The following TRERF1 variants were observed in gnomAD, a reference collection of about 807,000 sequenced individuals.
The protein encoded by TRERF1 is transcriptional-regulating factor 1.
TRERF1 carries 27 observed loss-of-function variants against 122.9 expected under a neutral mutation model. That is an observed-to-expected ratio of 0.22 (90% CI 0.16 to 0.30). The LOEUF (loss-of-function observed/expected upper bound fraction) is 0.30. TRERF1 is among the 10% of genes least tolerant of loss of function. TRERF1 has a pLI of 1.00. For synonymous variants in TRERF1, 636 were observed against 641.7 expected (o/e 0.99, Z 0.13); for missense variants, 1,248 against 1,560.3 (o/e 0.80, Z 3.37).
chr6:42,374,658 T>C (rs560502587), intron 2 of TRERF1, among the ~76,000 whole-genome samples: 1 of 152,264 alleles, frequency 6.6e-6, no homozygotes, highest in South Asian at 2.1e-4. Flanking sequence ...AGCCCGGTCC[T>C]ACCCTCACCC....
At chr6:42,353,682 G>A (rs186631723) in intron 3 of TRERF1, among the ~76,000 whole-genome samples, 1 of 152,132 alleles carries the variant, frequency 6.6e-6, no homozygotes, top group Non-Finnish European at 1.5e-5. Flanking sequence ...GTGTGTTTGT[G>A]TATTCATGTA....
Position 42,293,029 on chromosome 6 carries a change from G to C in TRERF1, c.-259+7609C>G, listed in dbSNP as rs556866580. ...TGACATCCCCCTTTAAGGAACTGGG[G>C]ACACACTGCCTGGAAGGGCTGTCCC... On this transcript the variant is annotated intron_variant, in intron 4 of 17. Transcript: ENST00000372922. 3.5e-4 allele frequency among the ~76,000 whole-genome samples: 54 copies of C among 152,186 alleles called. 1 individual carries two copies. Among genetic ancestry groups the C allele is most frequent in the Non-Finnish European group, 6.2e-4 (42 of 68,028 alleles).
At chr6:42,391,730 G>A (rs1158825280) in intron 2 of TRERF1, among the ~76,000 whole-genome samples, 2 of 151,974 alleles carry the variant, frequency 1.3e-5, no homozygotes, top group Admixed American at 6.6e-5. Context: ...CAGCCTTCCC[G>A]CCTACTCTAC....
intron 2 of TRERF1, among the ~76,000 whole-genome samples, chr6:42,402,225 A>G (rs556652886): frequency 1.4e-4 from 21 of 152,294 alleles, no homozygotes; most frequent in African/African-American, 4.8e-4. Flanking sequence ...AGGATTTTCT[A>G]TGTCTTTTTA....
intron 4 of TRERF1, among the ~76,000 whole-genome samples, chr6:42,283,868 G>A (rs1024330005): frequency 5.3e-5 from 8 of 151,864 alleles, no homozygotes; most frequent in Admixed American, 1.3e-4. Context: ...TGCCCGCCTC[G>A]ACCTCCCAAA....
chr6:42,257,565 T>C (rs1777002876), intron 10 of TRERF1, among the ~76,000 whole-genome samples: 1 of 152,248 alleles, frequency 6.6e-6, no homozygotes, highest in African/African-American at 2.4e-5. Flanking sequence ...ACGAGTCAAC[T>C]AAACCCTACA....
chr6:42,378,167 C>T (rs56198154), intron 2 of TRERF1, among the ~76,000 whole-genome samples: 6,942 of 152,030 alleles, frequency 0.046, 402 homozygotes, highest in African/African-American at 0.13. Context: ...TGGAGATAAG[C>T]GGATGAGGGG....
intron 2 of TRERF1, among the ~76,000 whole-genome samples, chr6:42,385,509 G>A (rs896611508): frequency 6.6e-6 from 1 of 152,116 alleles, no homozygotes; most frequent in Non-Finnish European, 1.5e-5. Flanking sequence ...TGCCAGGAAC[G>A]CAGGTGCACT....
At chr6:42,246,680 AAGAT>A in intron 13 of TRERF1, 136 bp from the exon 14 acceptor site, 1 of 574,248 alleles carries the variant, frequency 1.7e-6, no homozygotes, top group South Asian at 2.8e-5. Context: ...TTTGAACAAA[AAGAT>A]AGTGTGATAT....
chr6:42,320,504 G>A (rs946871842), intron 3 of TRERF1, among the ~76,000 whole-genome samples: 2 of 132,542 alleles, frequency 1.5e-5, no homozygotes, highest in Non-Finnish European at 3.1e-5. Flanking sequence ...AAAAGTGAAA[G>A]AATTTTTTTT....
At chr6:42,309,495 T>C (rs559752504) in intron 3 of TRERF1, among the ~76,000 whole-genome samples, 44 of 152,234 alleles carry the variant, frequency 2.9e-4, no homozygotes, top group Non-Finnish European at 4.3e-4. Context: ...ATCTCTGTGT[T>C]ATATGTGCAA....
intron 2 of TRERF1, among the ~76,000 whole-genome samples, chr6:42,443,476 CCTT>C (rs1382200645): frequency 1.3e-5 from 2 of 152,200 alleles, no homozygotes; most frequent in Non-Finnish European, 2.9e-5. Context: ...ATAGCACAAT[CCTT>C]ATTTGCAAAA....
At chr6:42,378,392 A>G (rs1775282283) in intron 2 of TRERF1, among the ~76,000 whole-genome samples, 1 of 152,056 alleles carries the variant, frequency 6.6e-6, no homozygotes, top group Non-Finnish European at 1.5e-5. Context: ...AAAAAAGAAA[A>G]AAAAAAAACC....
Position 42,436,814 on chromosome 6 carries a change from A to AATAT in TRERF1, c.-454+14359_-454+14362dup, listed in dbSNP as rs56057543. ...ATCTCCCTCTACAAAAAAAAAAAAA[A>AATAT]ATATATATATATATATATATATATA... On this transcript the variant is annotated intron_variant, in intron 2 of 17. Coordinates refer to ENST00000372922, the Ensembl canonical transcript of TRERF1. 6.0e-3 allele frequency among the ~76,000 whole-genome samples: 403 copies of AATAT among 66,688 alleles called. 3 individuals are homozygous for AATAT. The highest frequency in any genetic ancestry group is 0.013 in the South Asian group (14 of 1,112). The allele number at this position is 66,688 out of a possible 152,430, so 43.7% of individuals were successfully genotyped here.
intron 2 of TRERF1, among the ~76,000 whole-genome samples, chr6:42,386,765 C>T (rs891583810): frequency 2.6e-5 from 4 of 152,198 alleles, no homozygotes; most frequent in African/African-American, 9.6e-5. Context: ...GGTTGCATTT[C>T]AGCAGAAGGA....
At chr6:42,412,218 C>T (rs989944671) in intron 2 of TRERF1, among the ~76,000 whole-genome samples, 4 of 152,112 alleles carry the variant, frequency 2.6e-5, no homozygotes, top group African/African-American at 9.7e-5. Flanking sequence ...TCAGGCTGGT[C>T]TCGAACTCCC....
At chr6:42,277,891 GGAAGAAGGAAGAAGGAAGAAGAAGAA>G (rs1472302748) in intron 4 of TRERF1, among the ~76,000 whole-genome samples, 10 of 129,658 alleles carry the variant, frequency 7.7e-5, no homozygotes, top group African/African-American at 3.2e-4. Context: ...GAAGGAAGAA[GGAAGAAGGAAGAAGGAAGAAGAAGAA>G]GAAGAAGAAG....
chr6:42,273,871 T>C (rs1351712022), intron 4 of TRERF1, among the ~76,000 whole-genome samples: 1 of 152,218 alleles, frequency 6.6e-6, no homozygotes, highest in Admixed American at 6.5e-5. Context: ...ACTATTGATT[T>C]CATGTCTCTC....
At chr6:42,334,840 G>A (rs1326209198) in intron 3 of TRERF1, among the ~76,000 whole-genome samples, 1 of 152,226 alleles carries the variant, frequency 6.6e-6, no homozygotes, top group Non-Finnish European at 1.5e-5. Context: ...AGCCCCACGT[G>A]TGCTTGAGTG....
Sources: gnomAD v4.1 joint callset for allele counts (sites outside exome capture counted in the v4.1 genomes callset) on GRCh38, gnomAD v4.1.1 for gene constraint, MANE v1.5 for transcripts, NCBI Gene and HGNC (gene_info 2026-07-23, HGNC 2026-07-21) for gene names.